Variants in ITGB8 observed in about 807,000 individuals in gnomAD.
The protein encoded by ITGB8 is integrin beta-8.
In ITGB8, 30 loss-of-function variants were observed where a neutral mutation model predicts 89.5. The observed-to-expected ratio is 0.34, with a 90% CI of 0.25 to 0.45. The LOEUF (loss-of-function observed/expected upper bound fraction) is 0.45, where lower values mean the gene tolerates loss of function less well. Among genes scored for constraint, ITGB8 ranks in the 20% least tolerant of loss-of-function variants. The probability of loss-of-function intolerance (pLI) is 1.00; values close to 1 mark genes in which losing one functional copy is unlikely to be tolerated. For missense variants in ITGB8, 836 were observed against 933.3 expected, an observed-to-expected ratio of 0.90 and a Z score of 1.36; for synonymous variants, 335 against 320.4, an observed-to-expected ratio of 1.05 and a Z score of -0.49.
intron 5 of ITGB8, chr7:20,381,088 G>T (rs1258042044): frequency 3.1e-6 from 1 of 325,496 alleles, no homozygotes. Flanking sequence ...TTCCAAAAGG[G>T]CTGCTTTTCT....
At position 20,412,481 on chromosome 7, in the gene ITGB8, G is replaced by C. The variant is rs115374914; in HGVS notation, c.*2484G>C. ...ATTTATGAACAATAAACAAATTTCC[G>C]TATGGAATGAATTATCCAAAAAGAG... is the stretch of plus-strand genomic sequence containing the variant. On this transcript the variant is annotated 3_prime_UTR_variant, in exon 14 of 14. Coordinates refer to ENST00000222573, the MANE Select transcript of ITGB8 (RefSeq NM_002214.3). 6.6e-6 allele frequency: 1 copy of C among 152,450 alleles called. No homozygotes were observed. Among genetic ancestry groups the C allele is most frequent in the East Asian group, 1.9e-4 (1 of 5,198 alleles). The allele number at this position is 152,450 out of a possible 1,614,324, so 9.4% of individuals were successfully genotyped here.
intron 1 of ITGB8, among the ~76,000 whole-genome samples, chr7:20,333,959 A>G (rs1320119781): frequency 3.3e-5 from 5 of 152,202 alleles, no homozygotes; most frequent in Non-Finnish European, 7.4e-5. Context: ...AAATTTAGGT[A>G]TCAGTTACAA....
intron 1 of ITGB8, among the ~76,000 whole-genome samples, chr7:20,351,932 A>G (rs142757903): frequency 2.6e-5 from 4 of 152,294 alleles, no homozygotes; most frequent in Middle Eastern, 3.4e-3. Flanking sequence ...CAAGAGTTGG[A>G]AATGAAAATA....
At chr7:20,384,017 G>T (rs1786507508) in intron 6 of ITGB8, among the ~76,000 whole-genome samples, 1 of 152,056 alleles carries the variant, frequency 6.6e-6, no homozygotes, top group South Asian at 2.1e-4. Context: ...TACATATTAG[G>T]TAAAAGAAGC....
chr7:20,407,940 T>C (rs1787610224), intron 12 of ITGB8, among the ~76,000 whole-genome samples: 2 of 152,188 alleles, frequency 1.3e-5, no homozygotes, highest in Non-Finnish European at 2.9e-5. Context: ...TTCTAAAATG[T>C]GTCAGTAGCT....
intron 1 of ITGB8, among the ~76,000 whole-genome samples, chr7:20,337,693 AT>A (rs1583463538): frequency 6.6e-6 from 1 of 152,188 alleles, no homozygotes; most frequent in East Asian, 1.9e-4. Context: ...CTGAATCATA[AT>A]TATAGACATA....
chr7:20,353,915 G>C (rs1785198386), intron 1 of ITGB8, among the ~76,000 whole-genome samples: 1 of 109,244 alleles, frequency 9.2e-6, no homozygotes, highest in South Asian at 3.3e-4. Flanking sequence ...CTGGGCGACA[G>C]AGCGAGACTC....
At chr7:20,334,263 T>C (rs899184615) in intron 1 of ITGB8, among the ~76,000 whole-genome samples, 1 of 152,178 alleles carries the variant, frequency 6.6e-6, no homozygotes, top group Non-Finnish European at 1.5e-5. Context: ...AATAGCACTG[T>C]AAAATGGTCA....
chr7:20,381,131 A>G (rs1786362842), intron 5 of ITGB8: 1 of 225,674 alleles, frequency 4.4e-6, no homozygotes, highest in African/African-American at 2.3e-5. Context: ...AACTAGAAGT[A>G]GACTGTTGCC....
At chr7:20,332,015 C>T (rs764422343) in intron 1 of ITGB8, 82 bp downstream of exon 1, 9 of 1,544,982 alleles carry the variant, frequency 5.8e-6, no homozygotes, top group African/African-American at 1.4e-5. Flanking sequence ...GCCAGAGCAT[C>T]CCGGCCAGGT....
At chr7:20,405,527 C>T (rs1170650007) in intron 11 of ITGB8, among the ~76,000 whole-genome samples, 2 of 150,836 alleles carry the variant, frequency 1.3e-5, no homozygotes, top group African/African-American at 4.9e-5. Context: ...ACCGTGTTAG[C>T]CAGGATGGTC....
In ITGB8 at chr7:20,412,940, T is replaced by C. The variant is rs1787813714; in HGVS notation, c.*2943T>C. On this transcript the variant is annotated 3_prime_UTR_variant, in exon 14 of 14. Coordinates refer to ENST00000222573, the MANE Select transcript of ITGB8 (RefSeq NM_002214.3). The stretch of plus-strand genomic sequence containing the variant: ...TAAACACAATTAATGAAATTTTAAA[T>C]TGTTAACAGAATTGAGAACTTGAAC... 6.6e-6 allele frequency: 1 copy of C among 152,440 alleles called. No individual in the cohort carries two copies. The highest frequency in any genetic ancestry group is 2.1e-4 in the South Asian group (1 of 4,816). 9.4% of individuals were successfully genotyped at this position (152,440 alleles called of 1,614,324 possible).
chr7:20,366,667 A>T, intron 2 of ITGB8: 1 of 208,112 alleles, frequency 4.8e-6, no homozygotes. Context: ...CGGGAGGCTG[A>T]GGCAAGAGAA....
intron 1 of ITGB8, among the ~76,000 whole-genome samples, chr7:20,339,889 A>C (rs1784697551): frequency 2.0e-5 from 3 of 152,134 alleles, no homozygotes; most frequent in African/African-American, 4.8e-5. Flanking sequence ...TTAGCCGGGC[A>C]TGGTGGCAGA....
At chr7:20,335,995 G>C (rs899284305) in intron 1 of ITGB8, among the ~76,000 whole-genome samples, 38 of 93,128 alleles carry the variant, frequency 4.1e-4, no homozygotes, top group African/African-American at 1.0e-3. Context: ...TCCAGTCTTG[G>C]TTTTCTTTTT....
chr7:20,378,236 A>G (rs2040731), intron 3 of ITGB8, among the ~76,000 whole-genome samples: 14,884 of 152,214 alleles, frequency 0.098, 993 homozygotes, highest in East Asian at 0.4. Context: ...CCCTGCGGGG[A>G]CTACCGACAT....
chr7:20,353,931 C>CA (rs1158594685), intron 1 of ITGB8, among the ~76,000 whole-genome samples: 17,530 of 55,512 alleles, frequency 0.32, 4,559 homozygotes, highest in Middle Eastern at 0.42. Flanking sequence ...GACTCCGTCT[C>CA]AAAAAAAAAA....
At chr7:20,389,418 T>C (rs1786764868) in intron 6 of ITGB8, among the ~76,000 whole-genome samples, 1 of 152,190 alleles carries the variant, frequency 6.6e-6, no homozygotes, top group Admixed American at 6.5e-5. Context: ...ACTAGAACTT[T>C]CTAGATTTAA....
intron 9 of ITGB8, 110 bp downstream of exon 9, chr7:20,399,104 A>C (rs1465548384): frequency 1.8e-4 from 195 of 1,089,740 alleles, no homozygotes; most frequent in Non-Finnish European, 3.9e-5. Context: ...TGACTCTAAG[A>C]ATCTTATTTA....
Sources: allele counts gnomAD v4.1 joint callset (sites outside exome capture counted in the v4.1 genomes callset), GRCh38; gene constraint gnomAD v4.1.1; transcripts MANE v1.5; gene names NCBI Gene and HGNC (gene_info 2026-07-23, HGNC 2026-07-21).